Variants in ATG13 observed in about 807,000 individuals in gnomAD.
ATG13 encodes the protein autophagy-related protein 13.
Under a neutral mutation model 65.5 loss-of-function variants are expected in ATG13, and 23 were observed. The ratio of observed to expected loss-of-function variants is 0.35; its 90% CI spans 0.25 to 0.50. ATG13 has a LOEUF of 0.50. ATG13 is among the 20% of genes least tolerant of loss of function. The pLI, the probability that ATG13 is intolerant of heterozygous loss-of-function variation, is 0.98. For synonymous variants in ATG13, 252 were observed against 245.2 expected, an observed-to-expected ratio of 1.03 and a Z score of -0.26; for missense variants, 566 against 677.0, an observed-to-expected ratio of 0.84 and a Z score of 1.82.
intron 16 of ATG13, 58 bp from the exon 17 acceptor site, chr11:46,668,736 A>T: frequency 6.6e-7 from 1 of 1,519,396 alleles, no homozygotes; most frequent in Non-Finnish European, 9.1e-7. Flanking sequence ...CAGATTGTTT[A>T]CAGTAACTTG....
chr11:46,625,041 G>T (rs2049008273), intron 1 of ATG13, among the ~76,000 whole-genome samples: 2 of 151,762 alleles, frequency 1.3e-5, no homozygotes, highest in Non-Finnish European at 1.5e-5. Flanking sequence ...CATTCACAAG[G>T]CCAGGTTCAG....
At position 46,668,588 on chromosome 11, in the gene ATG13, G is replaced by A. The variant is rs146640139; in HGVS notation, c.1329+12G>A. On this transcript the variant is annotated intron_variant, in intron 16 of 18. Transcript: ENST00000683050. ...ATACCGATCCAATGGTGAGCCCACCGTTGACTACGAGTTCCCAGTAGATGG... is the reference window on the plus strand; with the variant it reads ...ATACCGATCCAATGGTGAGCCCACCATTGACTACGAGTTCCCAGTAGATGG... 542 of 1,612,086 alleles carry A rather than the reference G, an allele frequency of 3.4e-4. 2 individuals are homozygous for A. In the African/African-American group the frequency reaches 5.5e-3, roughly 16 times the overall value.
intron 5 of ATG13, among the ~76,000 whole-genome samples, chr11:46,648,229 G>A (rs548823631): frequency 2.6e-5 from 4 of 152,016 alleles, no homozygotes; most frequent in African/African-American, 9.6e-5. Context: ...CTGAGTAGCT[G>A]GGACTACAGG....
chr11:46,622,962 T>C (rs780091472), intron 1 of ATG13, among the ~76,000 whole-genome samples: 3 of 152,178 alleles, frequency 2.0e-5, no homozygotes, highest in Non-Finnish European at 4.4e-5. Flanking sequence ...TGATGAAATC[T>C]TGGAAGTACA....
At chr11:46,646,266 A>G (rs2057511432) in intron 5 of ATG13, among the ~76,000 whole-genome samples, 1 of 152,050 alleles carries the variant, frequency 6.6e-6, no homozygotes, top group Non-Finnish European at 1.5e-5. Context: ...CTCCTGCCTC[A>G]GCCTCCTGAG....
intron 15 of ATG13, 82 bp downstream of exon 15, chr11:46,667,969 T>C: frequency 2.8e-6 from 3 of 1,066,164 alleles, no homozygotes. Context: ...TAACCTGAGA[T>C]ATTAATATAT....
rs528801392 is a variant in ATG13 at position 46,666,350 on chromosome 11, G to T, written c.1136+831G>T. On this transcript the variant is annotated intron_variant, in intron 14 of 18. Coordinates refer to ENST00000683050, the MANE Select transcript of ATG13 (RefSeq NM_001346311.2). ...AGTGTTTCCCAAGGACCAGAACAGG[G>T]TGTTGACCATGGCCCTGAAGTCTGG... is the stretch of plus-strand genomic sequence containing the variant. 5.3e-5 allele frequency among the ~76,000 whole-genome samples: 8 copies of T among 152,304 alleles called. No individual in the cohort carries two copies. In the South Asian group the frequency reaches 1.7e-3, roughly 32 times the overall value.
chr11:46,636,557 C>CAA (rs374517009), intron 2 of ATG13, among the ~76,000 whole-genome samples: 587 of 45,310 alleles, frequency 0.013, 6 homozygotes, highest in African/African-American at 0.017. Flanking sequence ...GACTCCGTCT[C>CAA]AAAAAAAAAA....
chr11:46,666,687 G>C (rs2062437462), intron 14 of ATG13, among the ~76,000 whole-genome samples: 1 of 152,198 alleles, frequency 6.6e-6, no homozygotes, highest in Non-Finnish European at 1.5e-5. Context: ...AGGGCGAGCA[G>C]ATTCTCTGAC....
rs561695923 is a variant in ATG13, at chr11:46,650,513, C to T, written c.458+196C>T. On this transcript the variant is annotated intron_variant, in intron 7 of 18. Transcript: ENST00000683050. Reference sequence around the variant, plus strand: ...CTTCCAAAGCCACCAGGTTTATTATCCTTTTCTATATGCACAATCGTGATT... The same window carrying T: ...CTTCCAAAGCCACCAGGTTTATTATTCTTTTCTATATGCACAATCGTGATT... 2.0e-4 allele frequency among the ~76,000 whole-genome samples: 31 copies of T among 152,286 alleles called. No individual in the cohort carries two copies. In the East Asian group the frequency reaches 5.6e-3, roughly 27 times the overall value.
At chr11:46,665,176 C>G (rs1280600950) in intron 13 of ATG13, among the ~76,000 whole-genome samples, 1 of 152,212 alleles carries the variant, frequency 6.6e-6, no homozygotes, top group Non-Finnish European at 1.5e-5. Flanking sequence ...TCTCCATTTC[C>G]TTTTTCCTCT....
intron 5 of ATG13, among the ~76,000 whole-genome samples, chr11:46,647,154 C>T (rs897556189): frequency 2.0e-5 from 3 of 152,166 alleles, no homozygotes; most frequent in Non-Finnish European, 2.9e-5. Flanking sequence ...AAACTTTCCC[C>T]CTTTTAATGG....
chr11:46,656,919 ACACG>A (rs747486076), intron 8 of ATG13, 172 bp from the exon 9 acceptor site: 85 of 612,878 alleles, frequency 1.4e-4, no homozygotes, highest in African/African-American at 8.6e-4. Flanking sequence ...ACACACACAT[ACACG>A]CACATACACA....
chr11:46,672,140 G>A, intron 18 of ATG13, 115 bp from the exon 19 acceptor site: 2 of 1,534,488 alleles, frequency 1.3e-6, no homozygotes, highest in African/African-American at 1.4e-5. Flanking sequence ...CACTTGCTCG[G>A]CCCAGCTAGG....
intron 12 of ATG13, among the ~76,000 whole-genome samples, 187 bp from the exon 13 acceptor site, chr11:46,664,660 CTG>C (rs1395145814): frequency 6.6e-6 from 1 of 152,216 alleles, no homozygotes; most frequent in Admixed American, 6.5e-5. Context: ...ACAAACAAGT[CTG>C]TGTTTTCTTC....
At chr11:46,653,815 C>G (rs550554427) in intron 7 of ATG13, among the ~76,000 whole-genome samples, 1 of 151,800 alleles carries the variant, frequency 6.6e-6, no homozygotes, top group East Asian at 1.9e-4. Context: ...ATGATCCACC[C>G]GCCTCAGACT....
intron 7 of ATG13, among the ~76,000 whole-genome samples, chr11:46,652,534 G>GT (rs1448108382): frequency 2.0e-5 from 3 of 152,100 alleles, no homozygotes; most frequent in Non-Finnish European, 2.9e-5. Flanking sequence ...GGGCAACATA[G>GT]TGATACCTTG....
intron 14 of ATG13, among the ~76,000 whole-genome samples, chr11:46,666,224 G>C (rs958366447): frequency 6.6e-6 from 1 of 152,116 alleles, no homozygotes; most frequent in East Asian, 1.9e-4. Flanking sequence ...CAGTACCAAC[G>C]GGAAACAGCA....
chr11:46,644,197 G>T (rs2056930235), intron 2 of ATG13, 82 bp from the exon 3 acceptor site: 2 of 1,085,724 alleles, frequency 1.8e-6, no homozygotes, highest in African/African-American at 1.6e-5. Context: ...TAGGCTAGTA[G>T]ACAATACCAT....
Sources: allele counts gnomAD v4.1 joint callset (sites outside exome capture counted in the v4.1 genomes callset), GRCh38; gene constraint gnomAD v4.1.1; transcripts MANE v1.5; gene names NCBI Gene and HGNC (gene_info 2026-07-23, HGNC 2026-07-21).